Variants in TP63 observed in about 807,000 individuals in gnomAD.
The protein encoded by TP63 is tumor protein 63.
A neutral mutation model predicts 82.8 loss-of-function variants in TP63; 17 were observed. That is an observed-to-expected ratio of 0.21 (90% CI 0.14 to 0.31). TP63 has a LOEUF of 0.31. Ranked by LOEUF, TP63 falls within the 10% of genes least tolerant of loss-of-function variation. The pLI is 1.00. For synonymous variants in TP63, 330 were observed against 321.7 expected (o/e 1.03, Z -0.28); for missense variants, 648 against 895.3 (o/e 0.72, Z 3.52).
intron 4 of TP63, among the ~76,000 whole-genome samples, chr3:189,830,825 C>T (rs954582419): frequency 3.9e-5 from 6 of 152,168 alleles, no homozygotes; most frequent in African/African-American, 1.4e-4. Flanking sequence ...AGCATATAGA[C>T]ACTTAGTAAA....
the TP63 span, among the ~76,000 whole-genome samples, chr3:189,609,800 A>G: frequency 6.6e-6 from 1 of 152,256 alleles, no homozygotes; most frequent in African/African-American, 2.4e-5. Context: ...ATTTAGGTTG[A>G]TTCCATGTCT....
chr3:189,621,459 TAC>T, the TP63 span, among the ~76,000 whole-genome samples: 1 of 151,962 alleles, frequency 6.6e-6, no homozygotes, highest in Non-Finnish European at 1.5e-5. Flanking sequence ...TATACACACA[TAC>T]ACACATGCAT....
At chr3:189,787,047 T>G (rs766215907) in intron 3 of TP63, among the ~76,000 whole-genome samples, 4 of 152,204 alleles carry the variant, frequency 2.6e-5, no homozygotes, top group Non-Finnish European at 5.9e-5. Flanking sequence ...AGCTCTTTTA[T>G]GGAAATGTTT....
At chr3:189,664,948 A>G (rs1714249202) in intron 1 of TP63, among the ~76,000 whole-genome samples, 1 of 152,166 alleles carries the variant, frequency 6.6e-6, no homozygotes, top group Non-Finnish European at 1.5e-5. Context: ...TTAAATATTC[A>G]GGAATTTTAC....
At chr3:189,716,668 TAAAC>T (rs991006655) in intron 1 of TP63, among the ~76,000 whole-genome samples, 8 of 152,202 alleles carry the variant, frequency 5.3e-5, no homozygotes, top group Non-Finnish European at 1.0e-4. Context: ...GGAACCAAAA[TAAAC>T]AAACAGTTCC....
intron 3 of TP63, among the ~76,000 whole-genome samples, chr3:189,766,696 A>C (rs1722982776): frequency 6.6e-6 from 1 of 152,184 alleles, no homozygotes; most frequent in Non-Finnish European, 1.5e-5. Flanking sequence ...CTCGCTAAAA[A>C]CATAAATCAT....
intron 1 of TP63, among the ~76,000 whole-genome samples, chr3:189,647,348 A>T (rs922406610): frequency 6.8e-6 from 1 of 147,124 alleles, no homozygotes; most frequent in Non-Finnish European, 1.5e-5. Context: ...AATGTCCAAA[A>T]GTATGAATAT....
At chr3:189,893,328 A>G (rs1000487371) in intron 13 of TP63, among the ~76,000 whole-genome samples, 1 of 152,232 alleles carries the variant, frequency 6.6e-6, no homozygotes, top group East Asian at 1.9e-4. Flanking sequence ...CTGAAGTTCT[A>G]TAGCCAGTCA....
chr3:189,827,219 T>C (rs910104612), intron 4 of TP63, among the ~76,000 whole-genome samples: 1 of 152,238 alleles, frequency 6.6e-6, no homozygotes, highest in African/African-American at 2.4e-5. Flanking sequence ...TAATTTAGTG[T>C]GACAGGTGCT....
intron 1 of TP63, among the ~76,000 whole-genome samples, chr3:189,706,010 A>G (rs1435946157): frequency 6.6e-6 from 1 of 152,194 alleles, no homozygotes; most frequent in Admixed American, 6.5e-5. Flanking sequence ...GTGCCCATGC[A>G]TATACTATGT....
intron 1 of TP63, among the ~76,000 whole-genome samples, chr3:189,697,667 A>G (rs981534525): frequency 4.6e-5 from 7 of 152,044 alleles, no homozygotes; most frequent in Non-Finnish European, 8.8e-5. Context: ...GACAGTATTG[A>G]GTCTCCTCTC....
At chr3:189,816,730 G>A (rs1322562619) in intron 4 of TP63, among the ~76,000 whole-genome samples, 1 of 152,124 alleles carries the variant, frequency 6.6e-6, no homozygotes, top group African/African-American at 2.4e-5. Flanking sequence ...CAGACATTTT[G>A]TAGATATGGA....
At chr3:189,786,146 A>G (rs2108584659) in intron 3 of TP63, among the ~76,000 whole-genome samples, 1 of 152,138 alleles carries the variant, frequency 6.6e-6, no homozygotes, top group South Asian at 2.1e-4. Context: ...AATATATATT[A>G]TTCGATAAAT....
chr3:189,767,691 T>C (rs1014942344), intron 3 of TP63, among the ~76,000 whole-genome samples: 2 of 152,118 alleles, frequency 1.3e-5, no homozygotes, highest in African/African-American at 4.8e-5. Context: ...AGTTTTACCA[T>C]ATAGAGTGTA....
chr3:189,761,731 T>C (rs773815755), intron 3 of TP63, among the ~76,000 whole-genome samples: 35 of 152,206 alleles, frequency 2.3e-4, no homozygotes, highest in Non-Finnish European at 5.1e-4. Context: ...TAGTCCATTT[T>C]ACACTACTGA....
At chr3:189,821,058 A>G (rs1053007483) in intron 4 of TP63, among the ~76,000 whole-genome samples, 4 of 152,212 alleles carry the variant, frequency 2.6e-5, no homozygotes, top group African/African-American at 9.7e-5. Flanking sequence ...AAATTCTTTG[A>G]AACTTCCAGG....
chr3:189,773,507 T>A lies in TP63; in HGVS notation c.324+34733T>A, dbSNP rs150717729. Reference sequence around the variant, plus strand: ...TGTTAATTCACACAAAGAGAGTAAGTTGCCAAGCCAAAATTGTTTCCTTTT... The same window carrying A: ...TGTTAATTCACACAAAGAGAGTAAGATGCCAAGCCAAAATTGTTTCCTTTT... On this transcript the variant is annotated intron_variant, in intron 3 of 13. Transcript: ENST00000264731. Among the ~76,000 whole-genome samples, 161 of 152,346 alleles carry A rather than the reference T, an allele frequency of 1.1e-3. No individual in the cohort carries two copies. The East Asian group carries it at 0.016, about 15-fold the overall frequency.
chr3:189,611,410 C>T, the TP63 span, among the ~76,000 whole-genome samples: 1 of 152,100 alleles, frequency 6.6e-6, no homozygotes, highest in African/African-American at 2.4e-5. Context: ...TGTCTTTTCC[C>T]CATTGTTTGT....
intron 1 of TP63, among the ~76,000 whole-genome samples, chr3:189,676,594 T>TA (rs937957921): frequency 1.5e-4 from 23 of 150,770 alleles, no homozygotes; most frequent in South Asian, 6.3e-4. Flanking sequence ...TATGTTCCTT[T>TA]AAAAAAAAAT....
Sources: gnomAD v4.1 joint callset for allele counts (sites outside exome capture counted in the v4.1 genomes callset) on GRCh38, gnomAD v4.1.1 for gene constraint, MANE v1.5 for transcripts, NCBI Gene and HGNC (gene_info 2026-07-23, HGNC 2026-07-21) for gene names.